The following PDE4D variants were observed in gnomAD, a reference collection of about 807,000 sequenced individuals.
The protein encoded by PDE4D is phosphodiesterase 4D.
A neutral mutation model predicts 87.4 loss-of-function variants in PDE4D; 24 were observed. The ratio of observed to expected loss-of-function variants is 0.27; its 90% CI spans 0.20 to 0.39. PDE4D has a LOEUF of 0.39. PDE4D is among the 10% of genes least tolerant of loss of function. The probability of loss-of-function intolerance (pLI) is 1.00; values close to 1 mark genes in which losing one functional copy is unlikely to be tolerated. For missense variants in PDE4D, 714 were observed against 1,041.0 expected (o/e 0.69, Z 4.32); for synonymous variants, 384 against 383.2 (o/e 1.00, Z -0.02).
intron 1 of PDE4D, among the ~76,000 whole-genome samples, chr5:60,206,800 A>G (rs16877759): frequency 0.016 from 2,402 of 152,270 alleles, 47 homozygotes; most frequent in African/African-American, 0.055. Flanking sequence ...TAATAAAACA[A>G]CCTCTACTCT....
chr5:59,247,239 C>T (rs1263444171), intron 1 of PDE4D, among the ~76,000 whole-genome samples: 1 of 152,104 alleles, frequency 6.6e-6, no homozygotes, highest in Non-Finnish European at 1.5e-5. Context: ...TCATTAATGA[C>T]ACATGTTATG....
chr5:60,175,594 A>G (rs1195265263), intron 2 of PDE4D, among the ~76,000 whole-genome samples: 1 of 152,100 alleles, frequency 6.6e-6, no homozygotes, highest in East Asian at 1.9e-4. Context: ...TTTTCTTAAT[A>G]TTTGCTCCCC....
intron 1 of PDE4D, among the ~76,000 whole-genome samples, chr5:59,298,382 C>T (rs545455585): frequency 3.9e-5 from 6 of 152,196 alleles, no homozygotes; most frequent in African/African-American, 1.4e-4. Context: ...TCCCAAAGTG[C>T]TGGAATTACG....
At chr5:60,218,483 T>C (rs2149590326) in intron 1 of PDE4D, among the ~76,000 whole-genome samples, 1 of 152,022 alleles carries the variant, frequency 6.6e-6, no homozygotes, top group South Asian at 2.1e-4. Context: ...TCAATATACT[T>C]TCCTATCTGT....
At chr5:59,370,716 T>C (rs554593333) in intron 1 of PDE4D, among the ~76,000 whole-genome samples, 43 of 152,366 alleles carry the variant, frequency 2.8e-4, no homozygotes, top group African/African-American at 9.9e-4. Flanking sequence ...GTTGATTCAC[T>C]GCTGTTTGGC....
chr5:59,039,176 C>A, intron 5 of PDE4D: 1 of 1,355,096 alleles, frequency 7.4e-7, no homozygotes, highest in Non-Finnish European at 9.5e-7. Flanking sequence ...CGGGGAGGCA[C>A]GGTCTCTCCA....
rs570673265 is a variant in PDE4D, at chr5:60,455,947, G to C, written c.-90+31995C>G. Among the ~76,000 whole-genome samples, 128 of 152,142 alleles carry C rather than the reference G, an allele frequency of 8.4e-4. 2 individuals carry two copies. Among genetic ancestry groups the C allele is most frequent in the South Asian group, 7.7e-3 (37 of 4,816 alleles). On this transcript the variant is annotated intron_variant, in intron 1 of 16. Coordinates refer to the PDE4D transcript ENST00000502484. ...CCATGCCTAAAATTTTTGGAGCCAGGGTTCTCCAGCCAGTAGCCCACTCCC... is the reference window on the plus strand; with the variant it reads ...CCATGCCTAAAATTTTTGGAGCCAGCGTTCTCCAGCCAGTAGCCCACTCCC...
At chr5:59,246,504 T>G (rs1425417851) in intron 1 of PDE4D, among the ~76,000 whole-genome samples, 1 of 152,168 alleles carries the variant, frequency 6.6e-6, no homozygotes, top group African/African-American at 2.4e-5. Context: ...TCTTATTTAA[T>G]AATAGCAGTG....
At chr5:59,140,873 C>T (rs892315746) in intron 5 of PDE4D, among the ~76,000 whole-genome samples, 2 of 152,082 alleles carry the variant, frequency 1.3e-5, no homozygotes, top group African/African-American at 4.8e-5. Context: ...AGGAGACAAT[C>T]CTTTGAAGGT....
intron 1 of PDE4D, among the ~76,000 whole-genome samples, chr5:60,321,512 A>C (rs1756266022): frequency 6.6e-6 from 1 of 152,240 alleles, no homozygotes; most frequent in Non-Finnish European, 1.5e-5. Flanking sequence ...AAGATGCCAA[A>C]AGCAATTGCA....
intron 5 of PDE4D, among the ~76,000 whole-genome samples, chr5:59,163,065 T>TG (rs1317032324): frequency 6.7e-6 from 1 of 149,860 alleles, no homozygotes; most frequent in Non-Finnish European, 1.5e-5. Context: ...CCCAAGTAGC[T>TG]GGGATTACAG....
At chr5:59,604,855 A>T (rs941550396) in intron 1 of PDE4D, among the ~76,000 whole-genome samples, 5 of 152,030 alleles carry the variant, frequency 3.3e-5, no homozygotes, top group Non-Finnish European at 7.4e-5. Context: ...AATTTAGCAA[A>T]TTTTTAAAAA....
intron 1 of PDE4D, among the ~76,000 whole-genome samples, chr5:60,364,473 TA>T (rs1760353687): frequency 6.6e-6 from 1 of 152,220 alleles, no homozygotes; most frequent in South Asian, 2.1e-4. Context: ...TTATTTGTAT[TA>T]AATAACTTAT....
At chr5:59,651,072 AG>A (rs1053592692) in intron 1 of PDE4D, among the ~76,000 whole-genome samples, 4 of 151,782 alleles carry the variant, frequency 2.6e-5, no homozygotes, top group African/African-American at 9.7e-5. Context: ...TGGCCAACAT[AG>A]TGAAACCCCA....
In PDE4D at chr5:59,099,098, T is replaced by A. The variant is rs543027615; in HGVS notation, c.809-60127A>T. Among the ~76,000 whole-genome samples, 3 of 152,310 alleles carry A rather than the reference T, an allele frequency of 2.0e-5. No individual in the cohort carries two copies. In the East Asian group the frequency reaches 5.8e-4, roughly 29 times the overall value. ...CATCTTTATTATATTGGTTACTAAA[T>A]GAACAAATCTGTAAGGATATTCAGT... On this transcript the variant is annotated intron_variant, in intron 5 of 14. Coordinates refer to ENST00000340635, the MANE Select transcript of PDE4D (RefSeq NM_001104631.2).
intron 1 of PDE4D, among the ~76,000 whole-genome samples, chr5:59,423,339 A>T (rs1794744023): frequency 6.6e-6 from 1 of 152,168 alleles, no homozygotes; most frequent in South Asian, 2.1e-4. Context: ...TTGTAATCAC[A>T]TATTTATGTA....
At chr5:59,065,274 A>G (rs1244246626) in intron 5 of PDE4D, among the ~76,000 whole-genome samples, 1 of 152,138 alleles carries the variant, frequency 6.6e-6, no homozygotes, top group Non-Finnish European at 1.5e-5. Flanking sequence ...TGTATAATCC[A>G]AAATAGTCAA....
At chr5:59,324,435 G>A (rs1286947000) in intron 1 of PDE4D, among the ~76,000 whole-genome samples, 1 of 152,136 alleles carries the variant, frequency 6.6e-6, no homozygotes, top group Admixed American at 6.6e-5. Flanking sequence ...ATGAAAGTAC[G>A]ATTTCCAAGG....
At chr5:59,602,958 G>A (rs537054977) in intron 1 of PDE4D, among the ~76,000 whole-genome samples, 15 of 151,992 alleles carry the variant, frequency 9.9e-5, no homozygotes, top group Non-Finnish European at 1.3e-4. Context: ...TTCAATAAAT[G>A]GTGCTGGGAA....
Sources: allele counts gnomAD v4.1 joint callset (sites outside exome capture counted in the v4.1 genomes callset), GRCh38; gene constraint gnomAD v4.1.1; transcripts MANE v1.5; gene names NCBI Gene and HGNC (gene_info 2026-07-23, HGNC 2026-07-21).